The following HACL1 variants were observed in gnomAD, a reference collection of about 807,000 sequenced individuals.
HACL1 encodes the protein 2-hydroxyacyl-CoA lyase 1, also known as 1600020H07Rik.
A neutral mutation model predicts 74.2 loss-of-function variants in HACL1; 64 were observed. The observed-to-expected ratio is 0.86, with a 90% CI of 0.70 to 1.06. HACL1 has a LOEUF of 1.06. Ranked by LOEUF, HACL1 falls within the 50% of genes least tolerant of loss-of-function variation. The pLI is 0.00. For missense variants in HACL1, 728 were observed against 719.7 expected, an observed-to-expected ratio of 1.01 and a Z score of -0.13; for synonymous variants, 230 against 238.8, an observed-to-expected ratio of 0.96 and a Z score of 0.34.
At chr3:15,568,891 A>G (rs1262492706) in intron 12 of HACL1, among the ~76,000 whole-genome samples, 1 of 152,256 alleles carries the variant, frequency 6.6e-6, no homozygotes, top group Non-Finnish European at 1.5e-5. Flanking sequence ...AAGACAGCTG[A>G]GAAGCACTGG....
At chr3:15,577,210 G>A (rs893858646) in intron 9 of HACL1, among the ~76,000 whole-genome samples, 9 of 152,170 alleles carry the variant, frequency 5.9e-5, no homozygotes, top group Non-Finnish European at 1.3e-4. Context: ...GCCCTCAGAA[G>A]CCAGGTGCTC....
At chr3:15,590,677 TTTACA>T (rs1270259195) in intron 4 of HACL1, among the ~76,000 whole-genome samples, 1 of 152,218 alleles carries the variant, frequency 6.6e-6, no homozygotes, top group Non-Finnish European at 1.5e-5. Flanking sequence ...TTAGCCACAT[TTTACA>T]CACTGAGCTT....
At chr3:15,562,235 A>C (rs1458956480) in intron 16 of HACL1, among the ~76,000 whole-genome samples, 1 of 152,232 alleles carries the variant, frequency 6.6e-6, no homozygotes, top group Non-Finnish European at 1.5e-5. Flanking sequence ...AGATTCTGAA[A>C]GTGGCAGACC....
intron 8 of HACL1, among the ~76,000 whole-genome samples, chr3:15,581,435 T>C (rs1201704091): frequency 6.6e-6 from 1 of 152,220 alleles, no homozygotes; most frequent in Non-Finnish European, 1.5e-5. Flanking sequence ...AGATTCAATA[T>C]AATGCTCCAC....
At chr3:15,574,241 G>C (rs373250295) in intron 10 of HACL1, among the ~76,000 whole-genome samples, 1 of 152,128 alleles carries the variant, frequency 6.6e-6, no homozygotes, top group Admixed American at 6.6e-5. Flanking sequence ...TGTTGTACGC[G>C]TCTATAGTCC....
At chr3:15,590,949 C>T (rs2063881474) in intron 4 of HACL1, among the ~76,000 whole-genome samples, 1 of 152,104 alleles carries the variant, frequency 6.6e-6, no homozygotes, top group African/African-American at 2.4e-5. Flanking sequence ...GGCGTGGTGG[C>T]AGGGGCCTGT....
intron 2 of HACL1, among the ~76,000 whole-genome samples, chr3:15,596,891 G>C (rs1359643368): frequency 6.6e-6 from 1 of 151,964 alleles, no homozygotes; most frequent in African/African-American, 2.4e-5. Context: ...TTTTGAATTT[G>C]ATTTGCTTTT....
intron 11 of HACL1, among the ~76,000 whole-genome samples, chr3:15,572,199 A>G (rs1220801967): frequency 6.6e-6 from 1 of 152,178 alleles, no homozygotes; most frequent in African/African-American, 2.4e-5. Flanking sequence ...AAAGAAGACT[A>G]TACGGCCATA....
At chr3:15,591,911 T>C (rs1465085330) in intron 3 of HACL1, among the ~76,000 whole-genome samples, 3 of 150,356 alleles carry the variant, frequency 2.0e-5, no homozygotes, top group Non-Finnish European at 4.4e-5. Context: ...ACTATATATG[T>C]ATATAGTGTA....
At chr3:15,563,665 C>T (rs2063385199) in intron 15 of HACL1, 121 bp from the exon 16 acceptor site, 3 of 626,858 alleles carry the variant, frequency 4.8e-6, no homozygotes, top group African/African-American at 1.8e-5. Context: ...CTTTTATCTT[C>T]AACACTTAAG....
chr3:15,596,771 T>C lies in HACL1; in HGVS notation c.187-347A>G, dbSNP rs192506520. Among the ~76,000 whole-genome samples the C allele has an allele frequency of 5.3e-5, 8 of 152,312 alleles. No individual in the cohort carries two copies. In the East Asian group the frequency reaches 1.3e-3, roughly 26 times the overall value. On this transcript the variant is annotated intron_variant, in intron 2 of 16. Coordinates refer to ENST00000321169, the MANE Select transcript of HACL1 (RefSeq NM_012260.4). ...ATGAGGGGTTTATCAAATTTATCCA[T>C]CTTTTCAAAGAACAAATTTTTTTAG... is the stretch of plus-strand genomic sequence containing the variant.
chr3:15,586,607 A>G lies in HACL1; in HGVS notation c.382-5T>C, dbSNP rs549306104. 126 of 1,547,068 alleles carry G rather than the reference A, an allele frequency of 8.1e-5. 2 individuals are homozygous for G. The South Asian group carries it at 1.4e-3, about 17-fold the overall frequency. The stretch of plus-strand genomic sequence containing the variant: ...ATATAATCTACAAGCTTCAACCTAC[A>G]TGGAAAATGAAAATCACTTAAAATT... On this transcript the variant is annotated splice_polypyrimidine_tract_variant and splice_region_variant and intron_variant, in intron 5 of 16. Coordinates refer to ENST00000321169, the MANE Select transcript of HACL1 (RefSeq NM_012260.4).
intron 5 of HACL1, among the ~76,000 whole-genome samples, chr3:15,588,038 C>A (rs1298153342): frequency 6.6e-6 from 1 of 152,000 alleles, no homozygotes; most frequent in Non-Finnish European, 1.5e-5. Flanking sequence ...GGATTACGGG[C>A]ACCCACCACC....
intron 9 of HACL1, 54 bp downstream of exon 9, chr3:15,579,856 A>C (rs780326846): frequency 3.1e-6 from 4 of 1,306,854 alleles, no homozygotes. Context: ...AAATAATTTA[A>C]ATTAGCCTAA....
Position 15,601,563 on chromosome 3 carries a change from C to G in HACL1, c.-100G>C, listed in dbSNP as rs1208852338. ...CGGCAGCACGCCACCTCTGGTACTG[C>G]ACCTCTGACGGACAGGAGGGCAACC... On this transcript the variant is annotated 5_prime_UTR_variant, in exon 1 of 17. Coordinates refer to ENST00000321169, the MANE Select transcript of HACL1 (RefSeq NM_012260.4). 1.9e-6 allele frequency: 3 copies of G among 1,601,364 alleles called. No homozygotes were observed. The African/African-American group carries it at 4.0e-5, about 21-fold the overall frequency.
At chr3:15,588,274 G>C (rs2063826597) in intron 5 of HACL1, among the ~76,000 whole-genome samples, 1 of 152,098 alleles carries the variant, frequency 6.6e-6, no homozygotes, top group African/African-American at 2.4e-5. Context: ...TCAGCTATTT[G>C]TTTCCAACAA....
At chr3:15,583,848 G>A (rs373480745) in intron 7 of HACL1, among the ~76,000 whole-genome samples, 4 of 151,858 alleles carry the variant, frequency 2.6e-5, no homozygotes, top group African/African-American at 9.7e-5. Context: ...CGTAGAGATG[G>A]GGTTTCACTA....
chr3:15,569,681 C>T (rs1487222435), intron 12 of HACL1, among the ~76,000 whole-genome samples: 1 of 152,076 alleles, frequency 6.6e-6, no homozygotes, highest in African/African-American at 2.4e-5. Context: ...ATTAGTCAGG[C>T]ATGGTGGCAC....
At chr3:15,565,973 A>T (rs2063428143) in intron 14 of HACL1, among the ~76,000 whole-genome samples, 2 of 152,248 alleles carry the variant, frequency 1.3e-5, no homozygotes, top group Admixed American at 6.5e-5. Flanking sequence ...TAATCTAGAC[A>T]TCATTAAAAA....
Sources: gnomAD v4.1 joint callset for allele counts (sites outside exome capture counted in the v4.1 genomes callset) on GRCh38, gnomAD v4.1.1 for gene constraint, MANE v1.5 for transcripts, NCBI Gene and HGNC (gene_info 2026-07-23, HGNC 2026-07-21) for gene names.